The following SPMIP10 variants were observed in gnomAD, a reference collection of about 807,000 sequenced individuals.
The protein encoded by SPMIP10 is sperm microtubule inner protein 10.
chr5:126,635,891 A>T, the SPMIP10 span: 1 of 713,496 alleles, frequency 1.4e-6, no homozygotes, highest in Non-Finnish European at 2.4e-6. Flanking sequence ...CAAATTCCTG[A>T]GCTCAAGCAA....
chr5:126,631,711 G>A, the SPMIP10 span: 8 of 1,482,342 alleles, frequency 5.4e-6, no homozygotes, highest in East Asian at 1.4e-4. Context: ...TTTTAGATGA[G>A]TATTCCATCC....
chr5:126,632,041 C>T, the SPMIP10 span, among the ~76,000 whole-genome samples: 6 of 151,836 alleles, frequency 4.0e-5, no homozygotes, highest in Admixed American at 3.9e-4. Flanking sequence ...GCTGGCCAGA[C>T]ATTTCCTTTA....
the SPMIP10 span, among the ~76,000 whole-genome samples, chr5:126,632,258 T>TAAAAA: frequency 1.7e-5 from 1 of 57,184 alleles, no homozygotes; most frequent in Non-Finnish European, 3.4e-5. Flanking sequence ...TCCATCTCAT[T>TAAAAA]AAAAAAAAAA....
the SPMIP10 span, chr5:126,631,736 TGGCTTCAGGGAAAG>T: frequency 1.2e-6 from 2 of 1,606,618 alleles, no homozygotes; most frequent in African/African-American, 2.7e-5. Flanking sequence ...CTGTCAGGAA[TGGCTTCAGGGAAAG>T]ATACTTGTCC....
chr5:126,633,034 A>ATATATATATATAT, the SPMIP10 span, among the ~76,000 whole-genome samples: 1 of 108,300 alleles, frequency 9.2e-6, no homozygotes, highest in African/African-American at 7.6e-5. Flanking sequence ...TATATATATA[A>ATATATATATATAT]TTTAGTATGT....
the SPMIP10 span, among the ~76,000 whole-genome samples, chr5:126,634,893 C>G: frequency 6.6e-6 from 1 of 151,964 alleles, no homozygotes; most frequent in South Asian, 2.1e-4. Flanking sequence ...AGCACACAGA[C>G]TAGGTGCAGT....
chr5:126,635,171 A>AATATATAT, the SPMIP10 span, among the ~76,000 whole-genome samples: 8,657 of 139,956 alleles, frequency 0.062, 321 homozygotes, highest in East Asian at 0.12. Flanking sequence ...CCGTCTGTGA[A>AATATATAT]ATATATATAT....
chr5:126,633,033 A>AT, the SPMIP10 span, among the ~76,000 whole-genome samples: 332 of 145,320 alleles, frequency 2.3e-3, 5 homozygotes, highest in South Asian at 1.7e-3. Flanking sequence ...ATATATATAT[A>AT]ATTTAGTATG....
chr5:126,634,087 C>G, the SPMIP10 span, among the ~76,000 whole-genome samples: 1 of 152,162 alleles, frequency 6.6e-6, no homozygotes, highest in Admixed American at 6.5e-5. Context: ...AATTCCACTT[C>G]TAAGTATATG....
chr5:126,632,233 G>A, the SPMIP10 span, among the ~76,000 whole-genome samples: 1 of 118,498 alleles, frequency 8.4e-6, no homozygotes, highest in Admixed American at 8.5e-5. Context: ...ACCCCAGCTG[G>A]GCATGATAAT....
chr5:126,632,230 C>T, the SPMIP10 span, among the ~76,000 whole-genome samples: 4 of 110,928 alleles, frequency 3.6e-5, no homozygotes, highest in Non-Finnish European at 6.6e-5. Context: ...AAAACCCCAG[C>T]TGGGCATGAT....
the SPMIP10 span, chr5:126,631,811 C>G: frequency 6.2e-7 from 1 of 1,603,600 alleles, no homozygotes; most frequent in Admixed American, 1.7e-5. Context: ...CTCTATAAAT[C>G]TGCTAATAAG....
chr5:126,633,757 G>C, the SPMIP10 span, among the ~76,000 whole-genome samples: 1 of 152,156 alleles, frequency 6.6e-6, no homozygotes, highest in South Asian at 2.1e-4. Flanking sequence ...GCAACCTCTT[G>C]GGCTCAGGTG....
chr5:126,632,884 G>C, the SPMIP10 span, among the ~76,000 whole-genome samples: 6 of 151,666 alleles, frequency 4.0e-5, no homozygotes, highest in Non-Finnish European at 7.4e-5. Flanking sequence ...CTACTCGGGA[G>C]GCTGAGGCAT....
chr5:126,636,081 T>A, the SPMIP10 span: 1 of 1,614,108 alleles, frequency 6.2e-7, no homozygotes, highest in Non-Finnish European at 8.5e-7. Flanking sequence ...GACTCTCTGT[T>A]TTTGAATCAC....
chr5:126,634,773 A>G, the SPMIP10 span, among the ~76,000 whole-genome samples: 1 of 152,226 alleles, frequency 6.6e-6, no homozygotes, highest in Middle Eastern at 3.2e-3. Context: ...GAATGTGCCC[A>G]CACTGAGTAA....
chr5:126,632,012 A>G, the SPMIP10 span, among the ~76,000 whole-genome samples: 26 of 152,082 alleles, frequency 1.7e-4, no homozygotes, highest in African/African-American at 5.8e-4. Context: ...AGAAGCCAAT[A>G]TAGTTTCTGT....
At chr5:126,633,426 T>A in the SPMIP10 span, among the ~76,000 whole-genome samples, 2 of 152,236 alleles carry the variant, frequency 1.3e-5, no homozygotes, top group Non-Finnish European at 2.9e-5. Context: ...AGTGGCGTGA[T>A]CACAGCTCAC....
the SPMIP10 span, chr5:126,636,057 C>T: frequency 6.2e-7 from 1 of 1,613,892 alleles, no homozygotes; most frequent in Non-Finnish European, 8.5e-7. Flanking sequence ...GGGATCCATA[C>T]TGGCCCTTTA....
Sources: gnomAD v4.1 joint callset for allele counts (sites outside exome capture counted in the v4.1 genomes callset) on GRCh38, gnomAD v4.1.1 for gene constraint, MANE v1.5 for transcripts, NCBI Gene and HGNC (gene_info 2026-07-23, HGNC 2026-07-21) for gene names.